FER: variants seen among roughly 807,000 people sequenced by gnomAD.
FER encodes FER tyrosine kinase.
Under a neutral mutation model 111.0 loss-of-function variants are expected in FER, and 63 were observed. The ratio of observed to expected loss-of-function variants is 0.57; its 90% CI spans 0.46 to 0.70. The LOEUF is 0.70. Among genes scored for constraint, FER ranks in the 30% least tolerant of loss-of-function variants. FER has a pLI of 0.00. For synonymous variants in FER, 327 were observed against 313.9 expected, an observed-to-expected ratio of 1.04 and a Z score of -0.44; for missense variants, 914 against 954.0, an observed-to-expected ratio of 0.96 and a Z score of 0.55.
intron 13 of FER, among the ~76,000 whole-genome samples, chr5:109,013,708 AG>A (rs1346192991): frequency 1.3e-5 from 2 of 152,004 alleles, no homozygotes; most frequent in Non-Finnish European, 2.9e-5. Flanking sequence ...AGTGTAAAAA[AG>A]TGTTCCTATT....
chr5:108,756,980 A>G lies in FER; in HGVS notation c.-206+8980A>G, dbSNP rs1275411149. 5.3e-5 allele frequency among the ~76,000 whole-genome samples: 8 copies of G among 152,270 alleles called. No homozygotes were observed. In the East Asian group the frequency reaches 7.7e-4, roughly 15 times the overall value. On this transcript the variant is annotated intron_variant, in intron 1 of 19. Coordinates refer to ENST00000281092, the MANE Select transcript of FER (RefSeq NM_005246.4). ...ATGCACTTTTGTACATTTCTTTTGA[A>G]TTTATGAATTTGATGGCTTGCATGT...
At chr5:108,819,559 AAAT>A (rs1328541935) in intron 3 of FER, among the ~76,000 whole-genome samples, 2 of 152,210 alleles carry the variant, frequency 1.3e-5, no homozygotes, top group Non-Finnish European at 2.9e-5. Flanking sequence ...TAAAAGGAGT[AAAT>A]AAGAGAAGGC....
chr5:109,030,701 T>G (rs1769472374), intron 13 of FER, among the ~76,000 whole-genome samples: 1 of 152,174 alleles, frequency 6.6e-6, no homozygotes, highest in South Asian at 2.1e-4. Flanking sequence ...AGACTTCTCC[T>G]GCCTCTGAGG....
chr5:108,781,823 A>G (rs894880450), intron 2 of FER, among the ~76,000 whole-genome samples: 3 of 152,220 alleles, frequency 2.0e-5, no homozygotes, highest in African/African-American at 7.2e-5. Context: ...CTCTGACTAA[A>G]TAGTTTCTCC....
intron 18 of FER, among the ~76,000 whole-genome samples, chr5:109,182,476 T>A (rs1305677691): frequency 2.0e-5 from 3 of 152,228 alleles, no homozygotes; most frequent in Non-Finnish European, 4.4e-5. Context: ...TTATTAACTC[T>A]AGGGTCAGAT....
chr5:108,968,788 C>T (rs1760234924), intron 13 of FER, among the ~76,000 whole-genome samples: 1 of 151,936 alleles, frequency 6.6e-6, no homozygotes, highest in Admixed American at 6.6e-5. Flanking sequence ...ATAATCAATA[C>T]AAACTCATAC....
chr5:108,917,722 A>G (rs532185865), intron 10 of FER, among the ~76,000 whole-genome samples: 2 of 152,318 alleles, frequency 1.3e-5, no homozygotes, highest in East Asian at 3.9e-4. Context: ...AAAAGGTGAT[A>G]CTTTAAGCTT....
intron 15 of FER, among the ~76,000 whole-genome samples, chr5:109,046,718 CTTA>C (rs762045596): frequency 2.0e-5 from 3 of 151,834 alleles, no homozygotes; most frequent in Non-Finnish European, 2.9e-5. Context: ...AATTTTTTTT[CTTA>C]TTATTCCCTA....
intron 16 of FER, among the ~76,000 whole-genome samples, chr5:109,084,432 C>T (rs1777328963): frequency 2.0e-5 from 3 of 151,822 alleles, no homozygotes; most frequent in Admixed American, 6.6e-5. Context: ...GTACCTAACA[C>T]TACTGAATGG....
At chr5:109,128,448 G>A (rs1429459518) in intron 17 of FER, among the ~76,000 whole-genome samples, 1 of 152,058 alleles carries the variant, frequency 6.6e-6, no homozygotes, top group Non-Finnish European at 1.5e-5. Flanking sequence ...TGTGATTTTA[G>A]ACAGTTGCCT....
intron 2 of FER, among the ~76,000 whole-genome samples, chr5:108,781,432 TC>T (rs1355719825): frequency 1.1e-4 from 16 of 152,228 alleles, no homozygotes; most frequent in African/African-American, 3.9e-4. Flanking sequence ...CCTCAGGTGA[TC>T]CACCTGCCTC....
chr5:109,082,510 TAC>T (rs1236331713), intron 16 of FER, among the ~76,000 whole-genome samples: 1 of 152,030 alleles, frequency 6.6e-6, no homozygotes, highest in African/African-American at 2.4e-5. Flanking sequence ...AATTAATACT[TAC>T]ATTATTATTA....
At chr5:109,127,684 G>A (rs187585525) in intron 17 of FER, among the ~76,000 whole-genome samples, 128 of 152,164 alleles carry the variant, frequency 8.4e-4, no homozygotes, top group Admixed American at 8.1e-3. Flanking sequence ...GGATTACAGC[G>A]TGAGCCACCG....
intron 3 of FER, among the ~76,000 whole-genome samples, chr5:108,808,821 G>C (rs6874968): frequency 6.6e-6 from 1 of 152,012 alleles, no homozygotes; most frequent in Admixed American, 6.5e-5. Context: ...TCCGGAAAAT[G>C]TTTTATTCCT....
intron 10 of FER, among the ~76,000 whole-genome samples, chr5:108,904,588 A>G (rs936182308): frequency 1.3e-5 from 2 of 152,192 alleles, no homozygotes; most frequent in African/African-American, 4.8e-5. Flanking sequence ...GAGAAATTAG[A>G]AATCATTGAG....
intron 17 of FER, among the ~76,000 whole-genome samples, chr5:109,111,320 A>G (rs922712373): frequency 2.6e-5 from 4 of 152,140 alleles, no homozygotes; most frequent in African/African-American, 7.2e-5. Context: ...TGGAGAATCA[A>G]TGTTATCTAT....
At chr5:109,047,046 A>C in intron 15 of FER, 58 bp from the exon 16 acceptor site, 2 of 972,800 alleles carry the variant, frequency 2.1e-6, no homozygotes, top group Non-Finnish European at 3.1e-6. Flanking sequence ...ATTTGTGATC[A>C]CAAATTAATG....
At chr5:108,849,169 T>C (rs147785872) in intron 5 of FER, among the ~76,000 whole-genome samples, 1 of 152,240 alleles carries the variant, frequency 6.6e-6, no homozygotes, top group African/African-American at 2.4e-5. Flanking sequence ...TTTGAGCTTC[T>C]TGTATTTGAG....
At position 109,165,616 on chromosome 5, in the gene FER, GTGTGTGTGTGTGTGTGTGTGTGTA is replaced by G. The variant is rs1188422300; in HGVS notation, c.2049-15129_2049-15106del. 2.4e-3 allele frequency among the ~76,000 whole-genome samples: 348 copies of G among 146,478 alleles called. 3 individuals carry two copies. The highest frequency in any genetic ancestry group is 7.3e-3 in the African/African-American group (293 of 40,056). On this transcript the variant is annotated intron_variant, in intron 17 of 19. Coordinates refer to ENST00000281092, the MANE Select transcript of FER (RefSeq NM_005246.4). ...CTGGTGTGTGTGTGTGTGTGTGTGT[GTGTGTGTGTGTGTGTGTGTGTGTA>G]TACACACATATATATCACAGACTCA...
Sources: gnomAD v4.1 joint callset for allele counts (sites outside exome capture counted in the v4.1 genomes callset) on GRCh38, gnomAD v4.1.1 for gene constraint, MANE v1.5 for transcripts, NCBI Gene and HGNC (gene_info 2026-07-23, HGNC 2026-07-21) for gene names.